Variants in RGS6 observed in about 807,000 individuals in gnomAD.
The protein encoded by RGS6 is regulator of G-protein signaling 6.
A neutral mutation model predicts 78.5 loss-of-function variants in RGS6; 30 were observed. The ratio of observed to expected loss-of-function variants is 0.38; its 90% CI spans 0.29 to 0.52. RGS6 has a LOEUF of 0.52. RGS6 is among the 20% of genes least tolerant of loss of function. RGS6 has a pLI of 0.85. For missense variants in RGS6, 495 were observed against 609.7 expected, an observed-to-expected ratio of 0.81 and a Z score of 1.98; for synonymous variants, 206 against 206.0, an observed-to-expected ratio of 1.00 and a Z score of 0.00.
chr14:72,347,424 C>G (rs950908153), intron 2 of RGS6, among the ~76,000 whole-genome samples: 14 of 152,218 alleles, frequency 9.2e-5, no homozygotes, highest in Non-Finnish European at 1.5e-4. Flanking sequence ...TTCTCTGGGT[C>G]AATTTCTCTG....
chr14:72,258,695 A>C (rs1213095820), intron 2 of RGS6, among the ~76,000 whole-genome samples: 1 of 152,216 alleles, frequency 6.6e-6, no homozygotes, highest in Non-Finnish European at 1.5e-5. Flanking sequence ...CATTTGTCAA[A>C]TGGGACAAAT....
intron 2 of RGS6, among the ~76,000 whole-genome samples, chr14:72,132,129 C>T (rs1268072733): frequency 6.6e-6 from 1 of 152,082 alleles, no homozygotes; most frequent in African/African-American, 2.4e-5. Context: ...CCTATTGGAC[C>T]TGATTAATTT....
chr14:72,385,663 T>G (rs1476295152), intron 3 of RGS6, among the ~76,000 whole-genome samples: 1 of 152,176 alleles, frequency 6.6e-6, no homozygotes, highest in Non-Finnish European at 1.5e-5. Context: ...CAAGGCTGGC[T>G]AGCAACAGAG....
chr14:71,947,887 A>G (rs2091767397), intron 1 of RGS6, among the ~76,000 whole-genome samples: 1 of 152,172 alleles, frequency 6.6e-6, no homozygotes, highest in Admixed American at 6.5e-5. Flanking sequence ...TAGAAGTGCA[A>G]GTTGAGGCCA....
the RGS6 span, among the ~76,000 whole-genome samples, chr14:71,877,656 C>T: frequency 1.3e-5 from 2 of 151,944 alleles, no homozygotes; most frequent in Admixed American, 6.6e-5. Context: ...TTGTTATTAC[C>T]GATTGTCTCA....
At chr14:71,925,359 C>A in the RGS6 span, among the ~76,000 whole-genome samples, 1 of 152,168 alleles carries the variant, frequency 6.6e-6, no homozygotes, top group Non-Finnish European at 1.5e-5. Flanking sequence ...CCGTAGGTTG[C>A]CTCTTCACCC....
rs2095398296 is a variant in RGS6 at position 72,447,632 on chromosome 14, T to C, written c.185-6896T>C. Among the ~76,000 whole-genome samples the C allele has an allele frequency of 2.0e-5, 3 of 152,184 alleles. 1 individual carries two copies. Among genetic ancestry groups the C allele is most frequent in the Middle Eastern group, 6.3e-3 (2 of 316 alleles). ...CAATGTGTATTAATATTAATGCTTATGATATGTCAGGCACTCTGCATGGGT... is the reference window on the plus strand; with the variant it reads ...CAATGTGTATTAATATTAATGCTTACGATATGTCAGGCACTCTGCATGGGT... On this transcript the variant is annotated intron_variant, in intron 3 of 17. Transcript: ENST00000553525.
At chr14:72,194,534 C>T (rs1461408019) in intron 2 of RGS6, among the ~76,000 whole-genome samples, 1 of 152,030 alleles carries the variant, frequency 6.6e-6, no homozygotes, top group African/African-American at 2.4e-5. Context: ...CCACACCTGG[C>T]TAGTTTTTGT....
At chr14:71,897,478 T>C in the RGS6 span, among the ~76,000 whole-genome samples, 1 of 152,208 alleles carries the variant, frequency 6.6e-6, no homozygotes. Flanking sequence ...GCTGGTCTCA[T>C]GGTCTCATTA....
At chr14:72,105,306 T>C (rs2095611726) in intron 2 of RGS6, among the ~76,000 whole-genome samples, 1 of 152,262 alleles carries the variant, frequency 6.6e-6, no homozygotes, top group African/African-American at 2.4e-5. Flanking sequence ...ACTTTCCTTA[T>C]GATCACCACT....
At chr14:72,200,981 AAAAAAAG>A (rs1427456539) in intron 2 of RGS6, among the ~76,000 whole-genome samples, 130 of 150,512 alleles carry the variant, frequency 8.6e-4, no homozygotes, top group African/African-American at 2.9e-3. Flanking sequence ...AAAAAAAAAA[AAAAAAAG>A]AAGAAGAAAA....
At chr14:72,134,852 C>T (rs1338615903) in intron 2 of RGS6, among the ~76,000 whole-genome samples, 3 of 152,162 alleles carry the variant, frequency 2.0e-5, no homozygotes, top group Admixed American at 1.3e-4. Flanking sequence ...TCCCCCTTTC[C>T]CCATCTTTTT....
chr14:72,419,952 G>A (rs149223093), intron 3 of RGS6, among the ~76,000 whole-genome samples: 1 of 152,354 alleles, frequency 6.6e-6, no homozygotes, highest in East Asian at 1.9e-4. Flanking sequence ...AAGGGTGTGA[G>A]ACAGAGAAGT....
intron 2 of RGS6, among the ~76,000 whole-genome samples, chr14:72,269,448 GC>G (rs1401811009): frequency 6.6e-6 from 1 of 152,094 alleles, no homozygotes; most frequent in Non-Finnish European, 1.5e-5. Context: ...AATAGTCAGG[GC>G]CTTTGCCCAT....
At chr14:72,339,091 A>T (rs1273277294) in intron 2 of RGS6, among the ~76,000 whole-genome samples, 1 of 152,240 alleles carries the variant, frequency 6.6e-6, no homozygotes, top group Non-Finnish European at 1.5e-5. Context: ...TAAAGAAAAG[A>T]ATAAAAAGTA....
chr14:72,483,582 A>G (rs1274343652), intron 12 of RGS6, among the ~76,000 whole-genome samples: 2 of 152,180 alleles, frequency 1.3e-5, no homozygotes, highest in Non-Finnish European at 2.9e-5. Context: ...AGGTTTGGGA[A>G]CTTAATGTCT....
the RGS6 span, among the ~76,000 whole-genome samples, chr14:72,581,467 A>T: frequency 2.0e-5 from 3 of 152,090 alleles, no homozygotes; most frequent in South Asian, 6.2e-4. Flanking sequence ...GCCCTCTTCA[A>T]TCTATTTTCC....
chr14:72,259,735 G>A (rs886202198), intron 2 of RGS6, among the ~76,000 whole-genome samples: 1 of 150,966 alleles, frequency 6.6e-6, no homozygotes, highest in African/African-American at 2.4e-5. Flanking sequence ...GTGAAACCTC[G>A]TCTCTACTAA....
rs375443850 is a variant in RGS6 at position 72,228,883 on chromosome 14, G to A, written c.85-123212G>A. The stretch of plus-strand genomic sequence containing the variant: ...CAGCTGACCAAGATGGTAAAACTCC[G>A]TCTCTACTAAAAATATAAAAATTTA... On this transcript the variant is annotated intron_variant, in intron 2 of 17. Coordinates refer to ENST00000553525, the MANE Select transcript of RGS6 (RefSeq NM_001204424.2). 3.9e-5 allele frequency among the ~76,000 whole-genome samples: 6 copies of A among 152,286 alleles called. No individual in the cohort carries two copies. In the East Asian group the frequency reaches 7.7e-4, roughly 20 times the overall value.
Sources: gnomAD v4.1 joint callset for allele counts (sites outside exome capture counted in the v4.1 genomes callset) on GRCh38, gnomAD v4.1.1 for gene constraint, MANE v1.5 for transcripts, NCBI Gene and HGNC (gene_info 2026-07-23, HGNC 2026-07-21) for gene names.